The following CADM2 variants were observed in gnomAD, a reference collection of about 807,000 sequenced individuals.
The protein encoded by CADM2 is immunoglobulin superfamily member 4D.
Under a neutral mutation model 49.8 loss-of-function variants are expected in CADM2, and 12 were observed. The ratio of observed to expected loss-of-function variants is 0.24; its 90% CI spans 0.15 to 0.39. The LOEUF is 0.39. Ranked by LOEUF, CADM2 falls within the 10% of genes least tolerant of loss-of-function variation. The probability of loss-of-function intolerance (pLI) is 1.00; values close to 1 mark genes in which losing one functional copy is unlikely to be tolerated. For synonymous variants in CADM2, 214 were observed against 175.4 expected (o/e 1.22, Z -1.74); for missense variants, 378 against 492.3 (o/e 0.77, Z 2.20).
intron 1 of CADM2, among the ~76,000 whole-genome samples, chr3:85,686,308 GA>G (rs1284750593): frequency 2.0e-5 from 3 of 151,926 alleles, no homozygotes; most frequent in Non-Finnish European, 1.5e-5. Flanking sequence ...TGTACATATT[GA>G]AAAAAATGCA....
chr3:85,020,343 A>C (rs2034442964), intron 1 of CADM2, among the ~76,000 whole-genome samples: 1 of 152,220 alleles, frequency 6.6e-6, no homozygotes, highest in South Asian at 2.1e-4. Flanking sequence ...TTCACTGCTT[A>C]GATTAAACTT....
intron 1 of CADM2, among the ~76,000 whole-genome samples, chr3:85,329,616 C>A (rs1418378303): frequency 6.6e-6 from 1 of 151,838 alleles, no homozygotes; most frequent in Non-Finnish European, 1.5e-5. Flanking sequence ...AACAAAAAAA[C>A]AAATACACAT....
At chr3:85,907,259 C>T (rs981076578) in intron 5 of CADM2, among the ~76,000 whole-genome samples, 1 of 152,132 alleles carries the variant, frequency 6.6e-6, no homozygotes, top group African/African-American at 2.4e-5. Context: ...TGATTTCTCC[C>T]CCTGAAACTA....
At chr3:85,300,750 A>C (rs916339125) in intron 1 of CADM2, among the ~76,000 whole-genome samples, 2 of 152,126 alleles carry the variant, frequency 1.3e-5, no homozygotes, top group African/African-American at 4.8e-5. Flanking sequence ...GATATGCTAG[A>C]ATGTACACAG....
intron 1 of CADM2, among the ~76,000 whole-genome samples, chr3:85,574,771 A>G (rs965775348): frequency 3.3e-5 from 5 of 152,128 alleles, no homozygotes; most frequent in Non-Finnish European, 7.4e-5. Context: ...CTTATTTTTC[A>G]AATTAGAGGA....
rs186847567 is a variant in CADM2 at position 86,021,975 on chromosome 3, G to T, written c.971-43630G>T. Reference sequence around the variant, plus strand: ...ATTCATGCTAAATGAGTAGATTTTAGCTGCTTTTGCCACACACTCAAAAAA... The same window carrying T: ...ATTCATGCTAAATGAGTAGATTTTATCTGCTTTTGCCACACACTCAAAAAA... On this transcript the variant is annotated intron_variant, in intron 8 of 9. Coordinates refer to ENST00000383699, the MANE Select transcript of CADM2 (RefSeq NM_001167675.2). Among the ~76,000 whole-genome samples the T allele has an allele frequency of 2.0e-3, 304 of 152,198 alleles. 1 individual carries two copies. Among genetic ancestry groups the T allele is most frequent in the African/African-American group, 6.5e-3 (268 of 41,514 alleles).
At chr3:85,798,355 T>C (rs2071757534) in intron 2 of CADM2, among the ~76,000 whole-genome samples, 1 of 152,224 alleles carries the variant, frequency 6.6e-6, no homozygotes, top group Admixed American at 6.5e-5. Context: ...GCCTATGTCC[T>C]GAATGATAAC....
At chr3:85,159,450 G>T (rs757540206) in intron 1 of CADM2, among the ~76,000 whole-genome samples, 6 of 152,144 alleles carry the variant, frequency 3.9e-5, no homozygotes, top group Non-Finnish European at 7.4e-5. Flanking sequence ...AAAATCATCA[G>T]GATGTGGAAA....
intron 3 of CADM2, among the ~76,000 whole-genome samples, chr3:85,871,986 C>T (rs1248000076): frequency 2.0e-5 from 3 of 152,116 alleles, no homozygotes; most frequent in Admixed American, 6.5e-5. Flanking sequence ...GTGTATTTTT[C>T]TTATTCTCTC....
intron 1 of CADM2, among the ~76,000 whole-genome samples, chr3:85,543,254 T>A (rs1223713498): frequency 3.7e-4 from 16 of 42,818 alleles, no homozygotes; most frequent in African/African-American, 5.7e-4. Context: ...TTATTTATTT[T>A]TTATTTTTAT....
chr3:85,147,642 A>G (rs2039791012), intron 1 of CADM2, among the ~76,000 whole-genome samples: 1 of 152,096 alleles, frequency 6.6e-6, no homozygotes, highest in African/African-American at 2.4e-5. Context: ...ATAGATATGT[A>G]TTCATTTACT....
chr3:85,793,831 C>T (rs2071473549), intron 2 of CADM2, among the ~76,000 whole-genome samples: 1 of 152,150 alleles, frequency 6.6e-6, no homozygotes, highest in African/African-American at 2.4e-5. Flanking sequence ...ACCTTATTTT[C>T]CTGGCCACTG....
intron 1 of CADM2, among the ~76,000 whole-genome samples, chr3:85,695,903 A>G (rs2066538791): frequency 6.6e-6 from 1 of 152,152 alleles, no homozygotes; most frequent in Non-Finnish European, 1.5e-5. Context: ...TGTTCACAGC[A>G]CAATGCCAAC....
At position 85,375,658 on chromosome 3, in the gene CADM2, C is replaced by T. The variant is rs530891801; in HGVS notation, c.62-350864C>T. Among the ~76,000 whole-genome samples the T allele has an allele frequency of 4.2e-4, 64 of 152,198 alleles. No individual in the cohort carries two copies. In the South Asian group the frequency reaches 6.4e-3, roughly 15 times the overall value. The stretch of plus-strand genomic sequence containing the variant: ...ACTTGAAAATGCCAACACGAACAAA[C>T]GAACACATTTTGAATCAGAGGCCAG... On this transcript the variant is annotated intron_variant, in intron 1 of 9. Transcript: ENST00000383699.
chr3:85,150,360 G>A (rs1217004135), intron 1 of CADM2, among the ~76,000 whole-genome samples: 3 of 152,082 alleles, frequency 2.0e-5, no homozygotes, highest in Admixed American at 2.0e-4. Flanking sequence ...AGACACTGCT[G>A]AACTCTCAGA....
At chr3:85,842,989 C>T (rs1214789225) in intron 3 of CADM2, among the ~76,000 whole-genome samples, 1 of 151,912 alleles carries the variant, frequency 6.6e-6, no homozygotes, top group East Asian at 1.9e-4. Flanking sequence ...AAAAGCAAAA[C>T]ATAAATAAAT....
chr3:85,539,948 A>T (rs1031365483), intron 1 of CADM2, among the ~76,000 whole-genome samples: 5 of 152,164 alleles, frequency 3.3e-5, no homozygotes, highest in Admixed American at 3.3e-4. Context: ...AGAGTTAGAA[A>T]AGAAATATGA....
intron 1 of CADM2, among the ~76,000 whole-genome samples, chr3:85,502,418 T>A (rs1360294044): frequency 2.0e-5 from 3 of 152,068 alleles, no homozygotes; most frequent in Non-Finnish European, 4.4e-5. Context: ...GAATGAGGGA[T>A]CATGCTCTGT....
intron 1 of CADM2, among the ~76,000 whole-genome samples, chr3:85,491,723 G>C (rs1004699727): frequency 1.1e-4 from 16 of 152,050 alleles, no homozygotes; most frequent in African/African-American, 3.1e-4. Context: ...AGGCAGAGGC[G>C]GGCAGATCAC....
Sources: allele counts gnomAD v4.1 joint callset (sites outside exome capture counted in the v4.1 genomes callset), GRCh38; gene constraint gnomAD v4.1.1; transcripts MANE v1.5; gene names NCBI Gene and HGNC (gene_info 2026-07-23, HGNC 2026-07-21).